SH3BP5: variants seen among roughly 807,000 people sequenced by gnomAD.
SH3BP5 encodes SH3 domain-binding protein 5.
Under a neutral mutation model 43.3 loss-of-function variants are expected in SH3BP5, and 22 were observed. That is an observed-to-expected ratio of 0.51 (90% CI 0.36 to 0.73). The LOEUF (loss-of-function observed/expected upper bound fraction) is 0.73, where lower values mean the gene tolerates loss of function less well. Ranked by LOEUF, SH3BP5 falls within the 30% of genes least tolerant of loss-of-function variation. SH3BP5 has a pLI of 0.00. For missense variants in SH3BP5, 529 were observed against 586.9 expected (o/e 0.90, Z 1.02); for synonymous variants, 255 against 225.8 (o/e 1.13, Z -1.16).
At position 15,254,369 on chromosome 3, in the gene SH3BP5, G is replaced by A. The variant is rs937054856; in HGVS notation, c.*1717C>T. ...ACCAAGAACTTTTTCTCCACAGCAT[G>A]CTTTAATAATGAAATGCGGATTAAG... On this transcript the variant is annotated 3_prime_UTR_variant, in exon 9 of 9. Transcript: ENST00000383791. 6 of 152,222 alleles carry A rather than the reference G, an allele frequency of 3.9e-5. No individual in the cohort carries two copies. Among genetic ancestry groups the A allele is most frequent in the Non-Finnish European group, 8.8e-5 (6 of 68,052 alleles). 9.4% of individuals were successfully genotyped at this position (152,222 alleles called of 1,614,324 possible). A position where few individuals can be genotyped will look rare whatever the true frequency, so the allele number is the denominator to read the frequency against.
chr3:15,305,934 A>G (rs1289469485), intron 2 of SH3BP5, among the ~76,000 whole-genome samples: 1 of 152,070 alleles, frequency 6.6e-6, no homozygotes, highest in Non-Finnish European at 1.5e-5. Context: ...TCCCAGGTCT[A>G]GGAGGACCTA....
At chr3:15,315,198 T>C (rs1169844521) in intron 2 of SH3BP5, among the ~76,000 whole-genome samples, 1 of 400 alleles carries the variant, frequency 2.5e-3, no homozygotes, top group East Asian at 0.071. Flanking sequence ...CCACCAAGAC[T>C]GCCCAGGGCC....
intron 2 of SH3BP5, among the ~76,000 whole-genome samples, chr3:15,316,340 T>A (rs1698185015): frequency 6.8e-6 from 1 of 147,110 alleles, no homozygotes; most frequent in Admixed American, 6.9e-5. Flanking sequence ...TTCTCCTGCC[T>A]CAGCCTCCTG....
intron 3 of SH3BP5, among the ~76,000 whole-genome samples, chr3:15,284,814 G>A (rs920387503): frequency 1.3e-5 from 2 of 152,204 alleles, no homozygotes; most frequent in African/African-American, 4.8e-5. Context: ...CTTGGCCTAT[G>A]AGCCTGGGAG....
chr3:15,283,127 G>A (rs765633558), intron 3 of SH3BP5, among the ~76,000 whole-genome samples: 3 of 152,330 alleles, frequency 2.0e-5, no homozygotes, highest in Admixed American at 6.5e-5. Context: ...ACCAGGTGCG[G>A]TGGCTCACGC....
At chr3:15,308,748 T>C (rs1697977868) in intron 2 of SH3BP5, among the ~76,000 whole-genome samples, 2 of 152,222 alleles carry the variant, frequency 1.3e-5, no homozygotes, top group Non-Finnish European at 2.9e-5. Context: ...AGTTCATCAC[T>C]GAAATTCTGT....
At chr3:15,267,578 A>G (rs1310587204) in intron 4 of SH3BP5, among the ~76,000 whole-genome samples, 1 of 152,206 alleles carries the variant, frequency 6.6e-6, no homozygotes, top group Non-Finnish European at 1.5e-5. Context: ...CCTTCCCTTC[A>G]GTGGCCACAG....
chr3:15,309,343 G>C (rs1191962637), intron 2 of SH3BP5, among the ~76,000 whole-genome samples: 3 of 151,972 alleles, frequency 2.0e-5, no homozygotes, highest in African/African-American at 7.3e-5. Flanking sequence ...GTTTTCACTT[G>C]ATCTTAGCCA....
intron 2 of SH3BP5, among the ~76,000 whole-genome samples, chr3:15,320,570 A>T (rs1420584421): frequency 7.0e-6 from 1 of 142,788 alleles, no homozygotes; most frequent in Non-Finnish European, 1.5e-5. Flanking sequence ...CTGCCAAAGG[A>T]TGAGGTTCAA....
intron 2 of SH3BP5, among the ~76,000 whole-genome samples, chr3:15,324,178 C>T (rs1370970448): frequency 6.6e-6 from 1 of 152,198 alleles, no homozygotes; most frequent in African/African-American, 2.4e-5. Context: ...ATGTCTGTAC[C>T]GTCAGCTCTC....
chr3:15,276,970 G>A (rs1696990086), intron 3 of SH3BP5, among the ~76,000 whole-genome samples: 1 of 150,328 alleles, frequency 6.7e-6, no homozygotes, highest in African/African-American at 2.5e-5. Context: ...TTTTTCTTGA[G>A]ATGGAGTTTT....
At chr3:15,318,014 G>C (rs896703736) in intron 2 of SH3BP5, among the ~76,000 whole-genome samples, 1 of 152,170 alleles carries the variant, frequency 6.6e-6, no homozygotes, top group Non-Finnish European at 1.5e-5. Context: ...TCCAGCCTCA[G>C]ATTTCTGGAT....
intron 3 of SH3BP5, among the ~76,000 whole-genome samples, chr3:15,301,209 GATTTGCCAGTC>G (rs1697742760): frequency 6.6e-6 from 1 of 152,128 alleles, no homozygotes; most frequent in Admixed American, 6.5e-5. Context: ...GACGAGGCTG[GATTTGCCAGTC>G]ATGCCACTCT....
chr3:15,262,043 G>T, intron 5 of SH3BP5, 116 bp downstream of exon 5: 1 of 1,213,296 alleles, frequency 8.2e-7, no homozygotes. Flanking sequence ...TGAGGCCCCA[G>T]GGTCTACATC....
At chr3:15,339,728 A>T (rs1698741105) in intron 1 of SH3BP5, 1 of 151,912 alleles carries the variant, frequency 6.6e-6, no homozygotes, top group Admixed American at 6.6e-5. Flanking sequence ...ATAAATAAAT[A>T]AATAATAAAA....
At chr3:15,303,311 G>A (rs372197470) in intron 3 of SH3BP5, among the ~76,000 whole-genome samples, 8 of 152,192 alleles carry the variant, frequency 5.3e-5, no homozygotes, top group Admixed American at 2.0e-4. Flanking sequence ...CTCTCTAATC[G>A]GGAAGCCGAA....
At chr3:15,295,315 T>C (rs1697537790) in intron 3 of SH3BP5, among the ~76,000 whole-genome samples, 1 of 152,206 alleles carries the variant, frequency 6.6e-6, no homozygotes, top group African/African-American at 2.4e-5. Flanking sequence ...TCCATCGACA[T>C]GCACAGAGTG....
intron 1 of SH3BP5, among the ~76,000 whole-genome samples, chr3:15,338,187 A>G (rs565750539): frequency 2.0e-5 from 3 of 151,918 alleles, no homozygotes; most frequent in African/African-American, 7.2e-5. Flanking sequence ...ACCAAAAAAT[A>G]CAAAAACTAG....
rs756501773 is a variant in SH3BP5, at chr3:15,330,580, G to A, written c.139-14C>T. 17 of 1,580,444 alleles carry A rather than the reference G, an allele frequency of 1.1e-5. No homozygotes were observed. Among genetic ancestry groups the A allele is most frequent in the Middle Eastern group, 1.7e-4 (1 of 5,922 alleles). On this transcript the variant is annotated splice_polypyrimidine_tract_variant and intron_variant, in intron 1 of 8. Coordinates refer to ENST00000383791, the MANE Select transcript of SH3BP5 (RefSeq NM_004844.5). ...CTCCAGTTCTCCCTGGTGAAGAAAA[G>A]AGGGAGAAAAAAAGACTTAAGGGAT...
Sources: gnomAD v4.1 joint callset for allele counts (sites outside exome capture counted in the v4.1 genomes callset) on GRCh38, gnomAD v4.1.1 for gene constraint, MANE v1.5 for transcripts, NCBI Gene and HGNC (gene_info 2026-07-23, HGNC 2026-07-21) for gene names.